IQGAP1: variants seen among roughly 807,000 people sequenced by gnomAD.
The protein encoded by IQGAP1 is ras GTPase-activating-like protein IQGAP1.
Under a neutral mutation model 215.6 loss-of-function variants are expected in IQGAP1, and 66 were observed. The ratio of observed to expected loss-of-function variants is 0.31; its 90% confidence interval spans 0.25 to 0.38. The LOEUF (loss-of-function observed/expected upper bound fraction) is 0.38. IQGAP1 is among the 10% of genes least tolerant of loss of function. The pLI, the probability that IQGAP1 is intolerant of heterozygous loss-of-function variation, is 1.00. For synonymous variants in IQGAP1, 772 were observed against 728.7 expected (o/e 1.06, Z -0.96); for missense variants, 1,712 against 1,997.1 (o/e 0.86, Z 2.72).
At chr15:90,390,483 G>A (rs369042555) in intron 1 of IQGAP1, among the ~76,000 whole-genome samples, 5 of 152,340 alleles carry the variant, frequency 3.3e-5, no homozygotes, top group African/African-American at 1.2e-4. Context: ...AGGAGTTCTG[G>A]CAGATAGGGA....
chr15:90,404,692 C>T (rs1252993770), intron 2 of IQGAP1, among the ~76,000 whole-genome samples: 1 of 152,010 alleles, frequency 6.6e-6, no homozygotes, highest in African/African-American at 2.4e-5. Context: ...GATTCTTGTG[C>T]CTCATCCTCC....
At chr15:90,496,419 G>A (rs1224129243) in intron 36 of IQGAP1, among the ~76,000 whole-genome samples, 3 of 146,626 alleles carry the variant, frequency 2.0e-5, no homozygotes, top group Non-Finnish European at 4.5e-5. Flanking sequence ...TCTGCCTCCC[G>A]GGTTCAATCA....
intron 9 of IQGAP1, among the ~76,000 whole-genome samples, chr15:90,444,243 C>CTGTGTGTGTGTGTG (rs34494521): frequency 1.1e-3 from 139 of 126,936 alleles, no homozygotes; most frequent in Middle Eastern, 4.0e-3. Context: ...TCCTTCAAAA[C>CTGTGTGTGTGTGTG]TGTGTGTGTG....
rs1965630961 is a variant in IQGAP1, at chr15:90,453,224, T to C, written c.1419T>C (p.Asn473=). ...INRALESGDV[N]TVWKQLSSSV... Reference sequence around the variant, plus strand: ...GGGCATTGGAATCAGGAGATGTGAATACAGTGTGGAAGCAATTGAGCAGTT... The same window carrying C: ...GGGCATTGGAATCAGGAGATGTGAACACAGTGTGGAAGCAATTGAGCAGTT... The change falls in exon 13 of 38, where the codon AAT becomes AAC. Residue 473 remains asparagine, a synonymous_variant. Coordinates refer to ENST00000268182, the MANE Select transcript of IQGAP1 (RefSeq NM_003870.4). 1 of 1,614,036 alleles carries C rather than the reference T, an allele frequency of 6.2e-7. No homozygotes were observed. Among genetic ancestry groups the C allele is most frequent in the Non-Finnish European group, 8.5e-7 (1 of 1,179,926 alleles).
At chr15:90,494,533 C>T (rs766838322) in intron 35 of IQGAP1, 180 bp from the exon 36 acceptor site, 5 of 390,692 alleles carry the variant, frequency 1.3e-5, no homozygotes, top group Non-Finnish European at 2.3e-5. Flanking sequence ...TAATATTTCC[C>T]CTGTTTTGCA....
At chr15:90,469,318 T>C (rs550835987) in intron 18 of IQGAP1, among the ~76,000 whole-genome samples, 1 of 152,338 alleles carries the variant, frequency 6.6e-6, no homozygotes, top group South Asian at 2.1e-4. Context: ...TTTGGCAATA[T>C]TTCCCAAATC....
At chr15:90,460,683 G>A (rs1380416939) in intron 15 of IQGAP1, among the ~76,000 whole-genome samples, 2 of 152,116 alleles carry the variant, frequency 1.3e-5, no homozygotes, top group African/African-American at 4.8e-5. Context: ...ATTTCTGCAA[G>A]CCTTTGGTTA....
chr15:90,428,466 G>A (rs144284487), intron 3 of IQGAP1, among the ~76,000 whole-genome samples: 99 of 151,984 alleles, frequency 6.5e-4, no homozygotes, highest in Admixed American at 2.4e-3. Flanking sequence ...AAAGGAGAGC[G>A]GAGACTCTGC....
At chr15:90,440,283 A>G (rs576345183) in intron 6 of IQGAP1, among the ~76,000 whole-genome samples, 1 of 152,338 alleles carries the variant, frequency 6.6e-6, no homozygotes, top group South Asian at 2.1e-4. Flanking sequence ...CTCACTTTAT[A>G]GTTATTTTTG....
intron 33 of IQGAP1, among the ~76,000 whole-genome samples, chr15:90,487,906 T>A (rs759192052): frequency 9.9e-5 from 15 of 152,124 alleles, no homozygotes; most frequent in South Asian, 6.2e-4. Context: ...AATCCATAGA[T>A]GTTGAAGTCC....
chr15:90,431,820 C>G (rs1416270137), intron 4 of IQGAP1, among the ~76,000 whole-genome samples: 2 of 152,168 alleles, frequency 1.3e-5, no homozygotes, highest in African/African-American at 4.8e-5. Flanking sequence ...TTTCTAATCT[C>G]TTTATATGGT....
rs1039802026 is a variant in IQGAP1 at position 90,420,421 on chromosome 15, A to G, written c.156-5689A>G. On this transcript the variant is annotated intron_variant, in intron 2 of 37. Coordinates refer to ENST00000268182, the MANE Select transcript of IQGAP1 (RefSeq NM_003870.4). ...AGGAGGCAGCTTAGGGTGCCAGTAG[A>G]GAATTGATGCCGGCTTAGCAAAAAC... 1.2e-4 allele frequency among the ~76,000 whole-genome samples: 19 copies of G among 152,314 alleles called. 1 individual carries two copies. The highest frequency in any genetic ancestry group is 3.4e-3 in the Middle Eastern group (1 of 294).
At chr15:90,405,064 T>A (rs1964858725) in intron 2 of IQGAP1, among the ~76,000 whole-genome samples, 1 of 152,246 alleles carries the variant, frequency 6.6e-6, no homozygotes, top group Non-Finnish European at 1.5e-5. Context: ...TAAAGTGTTT[T>A]AATATTTAAC....
chr15:90,438,103 G>A (rs754839779), intron 5 of IQGAP1, among the ~76,000 whole-genome samples: 9 of 152,106 alleles, frequency 5.9e-5, no homozygotes, highest in South Asian at 2.1e-4. Context: ...TACATGATGC[G>A]TGTTTGTATT....
In IQGAP1 at chr15:90,456,217, G is replaced by A. The variant is rs368008601; in HGVS notation, c.1678G>A (p.Ala560Thr). 4.3e-6 allele frequency: 7 copies of A among 1,614,118 alleles called. No individual in the cohort carries two copies. Among genetic ancestry groups the A allele is most frequent in the Non-Finnish European group, 5.9e-6 (7 of 1,179,992 alleles). Residue 560 changes from alanine (A) to threonine (T), a missense_variant, in exon 15 of 38, where the codon GCC (alanine) becomes ACC (threonine). Ala to Thr is a moderately conservative substitution (Grantham distance 58). This residue lies in a region of IQGAP1 where 1,021 missense variants were observed against 1,074.2 expected (regional missense o/e 0.95). Coordinates refer to ENST00000268182, the MANE Select transcript of IQGAP1 (RefSeq NM_003870.4). ...AGGTGATGCCCAAAAGACTCTGCAG[G>A]CCCTACAGATTCCTGCAGCTAAACT... is the stretch of plus-strand genomic sequence containing the variant. ...DEGDAQKTLQ[A>T]LQIPAAKLEG...
intron 2 of IQGAP1, among the ~76,000 whole-genome samples, chr15:90,404,769 C>T (rs1290772718): frequency 4.6e-5 from 7 of 151,904 alleles, no homozygotes; most frequent in African/African-American, 1.7e-4. Context: ...TTAGTAGAGA[C>T]AGGGTTTTGC....
chr15:90,391,155 T>G (rs575391608), intron 2 of IQGAP1: 1 of 277,402 alleles, frequency 3.6e-6, no homozygotes, highest in South Asian at 4.1e-5. Flanking sequence ...GGAGGATCAC[T>G]TGAGTCCGGG....
chr15:90,457,450 G>A (rs143976000), intron 15 of IQGAP1, among the ~76,000 whole-genome samples: 42 of 149,390 alleles, frequency 2.8e-4, no homozygotes, highest in African/African-American at 9.6e-4. Flanking sequence ...TTTTTGAGAC[G>A]GAGTCTTGCT....
intron 2 of IQGAP1, 37 bp downstream of exon 2, chr15:90,390,910 G>T: frequency 8.3e-7 from 1 of 1,209,942 alleles, no homozygotes; most frequent in South Asian, 1.2e-5. Flanking sequence ...ATTAAGAGAA[G>T]GGAACTGATA....
Sources: gnomAD v4.1 joint callset for allele counts (sites outside exome capture counted in the v4.1 genomes callset) on GRCh38, gnomAD v4.1.1 for gene constraint, gnomAD v4.1.1 regional missense constraint, MANE v1.5 for transcripts, NCBI Gene and HGNC (gene_info 2026-07-23, HGNC 2026-07-21) for gene names.